Variants in CAPZB observed in about 807,000 individuals in gnomAD.
The protein encoded by CAPZB is F-actin-capping protein subunit beta.
In CAPZB, 2 loss-of-function variants were observed where a neutral mutation model predicts 38.1. The ratio of observed to expected loss-of-function variants is 0.05; its 90% CI spans 0.02 to 0.17. The LOEUF is 0.17. CAPZB is among the 10% of genes least tolerant of loss of function. CAPZB has a pLI of 1.00. For missense variants in CAPZB, 161 were observed against 334.2 expected (o/e 0.48, Z 4.04); for synonymous variants, 107 against 127.4 (o/e 0.84, Z 1.08).
rs569645855 is a variant in CAPZB at position 19,413,246 on chromosome 1, A to C, written c.93+6415T>G. On this transcript the variant is annotated intron_variant, in intron 2 of 8. Transcript: ENST00000264202. ...AGGCTGCACTTCTTCCCAGAATTAA[A>C]CACAGTGCCTGACTTCCAGGAGGTG... Among the ~76,000 whole-genome samples, 41 of 152,354 alleles carry C rather than the reference A, an allele frequency of 2.7e-4. No homozygotes were observed. In the South Asian group the frequency reaches 8.3e-3, roughly 31 times the overall value.
At chr1:19,395,369 T>C (rs926602320) in intron 2 of CAPZB, among the ~76,000 whole-genome samples, 3 of 152,180 alleles carry the variant, frequency 2.0e-5, no homozygotes, top group Admixed American at 1.3e-4. Context: ...GTCCCCTCCA[T>C]CTCTTTCTTT....
chr1:19,417,851 A>C (rs2094386520), intron 2 of CAPZB, among the ~76,000 whole-genome samples: 1 of 152,118 alleles, frequency 6.6e-6, no homozygotes, highest in South Asian at 2.1e-4. Flanking sequence ...AAATCAGGAT[A>C]TTCTGCTGGG....
At chr1:19,472,771 G>A (rs1295572510) in intron 1 of CAPZB, among the ~76,000 whole-genome samples, 5 of 128,806 alleles carry the variant, frequency 3.9e-5, no homozygotes, top group Non-Finnish European at 6.2e-5. Flanking sequence ...AGGCTGGAGT[G>A]CAGTGGCACG....
chr1:19,383,244 A>C (rs1321185638), intron 3 of CAPZB, among the ~76,000 whole-genome samples: 1 of 152,030 alleles, frequency 6.6e-6, no homozygotes, highest in Admixed American at 6.6e-5. Context: ...TCAGGAGTTC[A>C]AGACCAGCCT....
intron 3 of CAPZB, among the ~76,000 whole-genome samples, chr1:19,384,305 C>G (rs2094192856): frequency 6.6e-6 from 1 of 152,134 alleles, no homozygotes; most frequent in Middle Eastern, 3.2e-3. Flanking sequence ...TCCTGGTGAG[C>G]TCATCACCCA....
At chr1:19,403,953 T>C (rs928185963) in intron 2 of CAPZB, among the ~76,000 whole-genome samples, 4 of 152,096 alleles carry the variant, frequency 2.6e-5, no homozygotes, top group Admixed American at 6.6e-5. Flanking sequence ...GCCTGCAGCA[T>C]CAAGACTCAA....
At chr1:19,397,609 C>T (rs1180268483) in intron 2 of CAPZB, among the ~76,000 whole-genome samples, 4 of 152,186 alleles carry the variant, frequency 2.6e-5, no homozygotes, top group South Asian at 4.1e-4. Context: ...TCAACGCGAA[C>T]GGAACCTCTC....
At chr1:19,460,156 C>T (rs12562821) in intron 1 of CAPZB, among the ~76,000 whole-genome samples, 36,933 of 152,176 alleles carry the variant, frequency 0.24, 4,687 homozygotes, top group Non-Finnish European at 0.27. Context: ...AAAATAAATG[C>T]TAGTTTTACT....
chr1:19,466,795 C>A (rs1419403087), intron 1 of CAPZB, among the ~76,000 whole-genome samples: 1 of 152,136 alleles, frequency 6.6e-6, no homozygotes, highest in Non-Finnish European at 1.5e-5. Context: ...TAATAATTAC[C>A]TATATTTAAT....
chr1:19,413,127 A>G (rs545344985), intron 2 of CAPZB, among the ~76,000 whole-genome samples: 7 of 152,214 alleles, frequency 4.6e-5, no homozygotes, highest in East Asian at 3.9e-4. Flanking sequence ...TCAATGACCA[A>G]TGGCCTGAGA....
intron 1 of CAPZB, among the ~76,000 whole-genome samples, chr1:19,429,549 C>A (rs933262906): frequency 2.6e-5 from 4 of 152,180 alleles, no homozygotes; most frequent in Non-Finnish European, 4.4e-5. Context: ...GTACTGTCTA[C>A]CTCACGGGCC....
intron 4 of CAPZB, among the ~76,000 whole-genome samples, chr1:19,371,802 C>A (rs930666679): frequency 2.6e-5 from 4 of 152,382 alleles, no homozygotes; most frequent in Middle Eastern, 6.8e-3. Flanking sequence ...GGCTGGGAAC[C>A]TGCAGTTTCA....
chr1:19,426,820 T>A (rs1291752733), intron 1 of CAPZB, among the ~76,000 whole-genome samples: 3 of 152,176 alleles, frequency 2.0e-5, no homozygotes, highest in Admixed American at 1.3e-4. Context: ...TTCCTTTAAG[T>A]CACTAGGTTT....
At chr1:19,459,723 C>T (rs1414894551) in intron 1 of CAPZB, among the ~76,000 whole-genome samples, 1 of 152,158 alleles carries the variant, frequency 6.6e-6, no homozygotes, top group Non-Finnish European at 1.5e-5. Context: ...TACCCACAGT[C>T]AACAGTGGTC....
chr1:19,362,776 G>C (rs546899713), intron 4 of CAPZB, among the ~76,000 whole-genome samples: 1 of 152,312 alleles, frequency 6.6e-6, no homozygotes, highest in East Asian at 1.9e-4. Flanking sequence ...AATCCCCACA[G>C]TCAAGAGGCT....
At chr1:19,433,392 T>C (rs1038643270) in intron 1 of CAPZB, among the ~76,000 whole-genome samples, 2 of 152,230 alleles carry the variant, frequency 1.3e-5, no homozygotes, top group African/African-American at 4.8e-5. Flanking sequence ...ACGTGTTCAC[T>C]GACGAAGGCT....
intron 6 of CAPZB, among the ~76,000 whole-genome samples, chr1:19,349,657 A>G (rs1340812747): frequency 1.3e-5 from 2 of 152,134 alleles, no homozygotes; most frequent in East Asian, 3.9e-4. Context: ...GGTGGAGGAG[A>G]GGGCTGGGTC....
intron 2 of CAPZB, among the ~76,000 whole-genome samples, chr1:19,403,127 T>G (rs2094312135): frequency 6.6e-6 from 1 of 152,190 alleles, no homozygotes; most frequent in African/African-American, 2.4e-5. Flanking sequence ...CTATGAGCTC[T>G]TTAAAGACAC....
intron 8 of CAPZB, chr1:19,342,962 C>G: frequency 1.3e-6 from 1 of 779,282 alleles, no homozygotes; most frequent in Admixed American, 1.9e-5. Context: ...TTCAGGGAGA[C>G]CCACGAGGCG....
Sources: allele counts gnomAD v4.1 joint callset (sites outside exome capture counted in the v4.1 genomes callset), GRCh38; gene constraint gnomAD v4.1.1; transcripts MANE v1.5; gene names NCBI Gene and HGNC (gene_info 2026-07-23, HGNC 2026-07-21).